The following MACROD2 variants were observed in gnomAD, a reference collection of about 807,000 sequenced individuals.
MACROD2 encodes the protein ADP-ribose glycohydrolase MACROD2.
A neutral mutation model predicts 70.4 loss-of-function variants in MACROD2; 36 were observed. The ratio of observed to expected loss-of-function variants is 0.51; its 90% CI spans 0.39 to 0.68. The LOEUF (loss-of-function observed/expected upper bound fraction) is 0.68. Among genes scored for constraint, MACROD2 ranks in the 30% least tolerant of loss-of-function variants. MACROD2 has a pLI of 0.00. For synonymous variants in MACROD2, 172 were observed against 178.8 expected, an observed-to-expected ratio of 0.96 and a Z score of 0.30; for missense variants, 496 against 538.4, an observed-to-expected ratio of 0.92 and a Z score of 0.78.
intron 3 of MACROD2, among the ~76,000 whole-genome samples, chr20:14,102,656 G>A (rs2054316186): frequency 6.6e-6 from 1 of 152,132 alleles, no homozygotes. Context: ...AGAAATTGCT[G>A]GAAATTGTCC....
chr20:15,926,508 G>A (rs566815762), intron 10 of MACROD2, among the ~76,000 whole-genome samples: 2 of 152,308 alleles, frequency 1.3e-5, no homozygotes, highest in Admixed American at 1.3e-4. Flanking sequence ...TAGAGGATAT[G>A]ATATATTAGA....
At chr20:15,593,759 A>T (rs1337999609) in intron 8 of MACROD2, among the ~76,000 whole-genome samples, 3 of 151,998 alleles carry the variant, frequency 2.0e-5, no homozygotes, top group African/African-American at 7.3e-5. Context: ...TTTTTTTCTG[A>T]GAGCAGACTT....
At chr20:15,970,661 G>A (rs1568676591) in intron 13 of MACROD2, among the ~76,000 whole-genome samples, 1 of 152,122 alleles carries the variant, frequency 6.6e-6, no homozygotes, top group Non-Finnish European at 1.5e-5. Flanking sequence ...GGTAGCTAAC[G>A]TTTGCAAGGT....
At chr20:15,810,007 C>T (rs1271110673) in intron 8 of MACROD2, among the ~76,000 whole-genome samples, 1 of 131,104 alleles carries the variant, frequency 7.6e-6, no homozygotes, top group African/African-American at 2.8e-5. Flanking sequence ...AATGCTGTCC[C>T]TCCCCCCTCC....
chr20:15,719,748 A>G (rs565577969), intron 8 of MACROD2, among the ~76,000 whole-genome samples: 14 of 152,266 alleles, frequency 9.2e-5, no homozygotes, highest in Non-Finnish European at 1.6e-4. Context: ...TGATCAAATC[A>G]GGGTAATTAG....
intron 6 of MACROD2, among the ~76,000 whole-genome samples, chr20:15,358,849 G>A (rs2078319463): frequency 6.6e-6 from 1 of 151,356 alleles, no homozygotes; most frequent in South Asian, 2.1e-4. Flanking sequence ...CAACATGAAT[G>A]TGCCACCCTC....
chr20:15,823,275 C>T (rs964926115), intron 8 of MACROD2, among the ~76,000 whole-genome samples: 3 of 128,638 alleles, frequency 2.3e-5, no homozygotes, highest in Middle Eastern at 4.0e-3. Flanking sequence ...GTGAGCTCTT[C>T]GTGTGTGTGT....
At chr20:14,810,797 GACAA>G (rs2072700552) in intron 5 of MACROD2, among the ~76,000 whole-genome samples, 1 of 152,028 alleles carries the variant, frequency 6.6e-6, no homozygotes. Flanking sequence ...ACCAATAGTA[GACAA>G]ACAGAGAGCC....
chr20:14,470,451 G>A (rs2084515034), intron 3 of MACROD2, among the ~76,000 whole-genome samples: 1 of 152,176 alleles, frequency 6.6e-6, no homozygotes, highest in Admixed American at 6.5e-5. Flanking sequence ...CAGAGCTCAA[G>A]TGCTGTGCTA....
intron 3 of MACROD2, among the ~76,000 whole-genome samples, chr20:14,092,484 TAA>T (rs2054163793): frequency 6.6e-6 from 1 of 152,204 alleles, no homozygotes; most frequent in African/African-American, 2.4e-5. Context: ...GTTAATTAGT[TAA>T]TATAATGGCA....
At chr20:15,640,832 T>G (rs987525730) in intron 8 of MACROD2, among the ~76,000 whole-genome samples, 1 of 152,168 alleles carries the variant, frequency 6.6e-6, no homozygotes, top group Admixed American at 6.5e-5. Flanking sequence ...CAGACCCGGG[T>G]GGGCTATCCT....
intron 6 of MACROD2, among the ~76,000 whole-genome samples, chr20:15,286,869 C>A (rs2146099156): frequency 6.6e-6 from 1 of 152,008 alleles, no homozygotes; most frequent in Middle Eastern, 3.4e-3. Flanking sequence ...TTTGTAGAAC[C>A]CAGAATTATT....
At chr20:15,806,831 G>A (rs2063773489) in intron 8 of MACROD2, among the ~76,000 whole-genome samples, 1 of 152,130 alleles carries the variant, frequency 6.6e-6, no homozygotes, top group South Asian at 2.1e-4. Flanking sequence ...CCTTAATTCG[G>A]CCATGTGGAT....
chr20:15,155,735 A>G (rs1384953500), intron 5 of MACROD2, among the ~76,000 whole-genome samples: 3 of 152,196 alleles, frequency 2.0e-5, no homozygotes, highest in Non-Finnish European at 2.9e-5. Flanking sequence ...TTATTAATCT[A>G]TCGAATGAAT....
intron 8 of MACROD2, among the ~76,000 whole-genome samples, chr20:15,777,578 TTTCC>T (rs1241207207): frequency 1.5e-3 from 56 of 38,340 alleles, no homozygotes; most frequent in Admixed American, 3.2e-3. Flanking sequence ...TCCTTCCTTC[TTTCC>T]TTCCTTCCTT....
intron 12 of MACROD2, among the ~76,000 whole-genome samples, chr20:15,950,525 A>T (rs1164840169): frequency 2.0e-5 from 3 of 152,180 alleles, no homozygotes; most frequent in African/African-American, 4.8e-5. Flanking sequence ...AGACAAAAAC[A>T]AAAACTAAAC....
chr20:15,148,012 T>C, intron 5 of MACROD2, among the ~76,000 whole-genome samples: 1 of 152,110 alleles, frequency 6.6e-6, no homozygotes, highest in East Asian at 1.9e-4. Context: ...TCACAGGGGA[T>C]ATGATGGCTT....
intron 8 of MACROD2, among the ~76,000 whole-genome samples, chr20:15,684,757 A>G (rs1025478316): frequency 5.9e-5 from 9 of 152,216 alleles, no homozygotes; most frequent in Non-Finnish European, 1.0e-4. Flanking sequence ...TGCACTTGAA[A>G]GTAAAGTGTA....
intron 4 of MACROD2, among the ~76,000 whole-genome samples, chr20:14,593,501 A>G (rs550131492): frequency 4.6e-5 from 7 of 152,206 alleles, no homozygotes; most frequent in Admixed American, 3.9e-4. Flanking sequence ...TGGGAAAGCT[A>G]AGAATAACTA....
Sources: allele counts gnomAD v4.1 joint callset (sites outside exome capture counted in the v4.1 genomes callset), GRCh38; gene constraint gnomAD v4.1.1; transcripts MANE v1.5; gene names NCBI Gene and HGNC (gene_info 2026-07-23, HGNC 2026-07-21).